The following RAB3GAP1 variants were observed in gnomAD, a reference collection of about 807,000 sequenced individuals.
RAB3GAP1 encodes the protein RAB3 GTPase activating protein catalytic subunit 1.
A neutral mutation model predicts 130.7 loss-of-function variants in RAB3GAP1; 86 were observed. That is an observed-to-expected ratio of 0.66 (90% CI 0.55 to 0.79). The LOEUF is 0.79. RAB3GAP1 is among the 30% of genes least tolerant of loss of function. The pLI is 0.00. For missense variants in RAB3GAP1, 1,029 were observed against 1,169.4 expected (o/e 0.88, Z 1.75); for synonymous variants, 367 against 401.7 (o/e 0.91, Z 1.03).
At chr2:135,065,261 T>C (rs1186849467) in intron 3 of RAB3GAP1, among the ~76,000 whole-genome samples, 1 of 152,186 alleles carries the variant, frequency 6.6e-6, no homozygotes, top group Non-Finnish European at 1.5e-5. Context: ...CCCCCTTAGA[T>C]CAGCAATTCT....
At position 135,087,965 on chromosome 2, in the gene RAB3GAP1, T is replaced by C. The variant is rs554279664; in HGVS notation, c.151-3033T>C. Among the ~76,000 whole-genome samples the C allele has an allele frequency of 5.3e-5, 8 of 152,336 alleles. No homozygotes were observed. In the East Asian group the frequency reaches 1.5e-3, roughly 29 times the overall value. ...AGATACATGCCTTACTGGAACTTGG[T>C]ATCAAGTGACTATATCCTAATGGAA... On this transcript the variant is annotated intron_variant, in intron 3 of 23. Transcript: ENST00000264158.
At chr2:135,159,134 GAT>G (rs1692397004) in intron 19 of RAB3GAP1, among the ~76,000 whole-genome samples, 1 of 152,112 alleles carries the variant, frequency 6.6e-6, no homozygotes. Context: ...TAATTGATTG[GAT>G]ATATAAATTA....
At chr2:135,100,811 C>CA (rs1690428255) in intron 5 of RAB3GAP1, among the ~76,000 whole-genome samples, 1 of 152,142 alleles carries the variant, frequency 6.6e-6, no homozygotes, top group African/African-American at 2.4e-5. Flanking sequence ...ACAACAATAA[C>CA]ATTTTGTGAT....
At position 135,168,530 on chromosome 2, in the gene RAB3GAP1, T is replaced by G. The variant is rs2105007837; in HGVS notation, c.2710-15T>G. The G allele has an allele frequency of 1.9e-6, 3 of 1,608,442 alleles. 1 individual carries two copies. The Admixed American group carries it at 5.0e-5, about 27-fold the overall frequency. On this transcript the variant is annotated splice_polypyrimidine_tract_variant and intron_variant, in intron 23 of 23. Transcript: ENST00000264158. ...TTTGACCTGCTTTTGACTTTAGCATTTGATTCTTTTCCAGGCTGCAGCTAT... is the reference window on the plus strand; with the variant it reads ...TTTGACCTGCTTTTGACTTTAGCATGTGATTCTTTTCCAGGCTGCAGCTAT...
intron 8 of RAB3GAP1, among the ~76,000 whole-genome samples, chr2:135,121,836 T>C (rs373598661): frequency 1.3e-5 from 2 of 152,192 alleles, no homozygotes; most frequent in East Asian, 1.9e-4. Context: ...CTCACACCTG[T>C]AATCCTAGCC....
chr2:135,081,337 T>A lies in RAB3GAP1; in HGVS notation c.151-9661T>A, dbSNP rs1400155410. Among the ~76,000 whole-genome samples the A allele has an allele frequency of 6.3e-3, 516 of 81,336 alleles. 4 individuals carry two copies. Among genetic ancestry groups the A allele is most frequent in the African/African-American group, 0.024 (318 of 12,988 alleles). 53.4% of individuals were successfully genotyped at this position (81,336 alleles called of 152,430 possible). The stretch of plus-strand genomic sequence containing the variant: ...AAAAAAAAAAAAAAAAATATATATA[T>A]ATATATATATATATATATATATATA... On this transcript the variant is annotated intron_variant, in intron 3 of 23. Coordinates refer to ENST00000264158, the MANE Select transcript of RAB3GAP1 (RefSeq NM_012233.3).
chr2:135,140,080 GT>G (rs1298409144), intron 17 of RAB3GAP1, among the ~76,000 whole-genome samples: 1 of 152,116 alleles, frequency 6.6e-6, no homozygotes, highest in Non-Finnish European at 1.5e-5. Flanking sequence ...AGGCTTCAGT[GT>G]TTGTGCATGT....
intron 5 of RAB3GAP1, among the ~76,000 whole-genome samples, chr2:135,097,992 A>G (rs191915157): frequency 1.9e-3 from 282 of 152,318 alleles, no homozygotes; most frequent in Non-Finnish European, 3.1e-3. Flanking sequence ...TTGCATTCCC[A>G]CCAACAATGT....
downstream of RAB3GAP1, among the ~76,000 whole-genome samples, chr2:135,171,174 A>G (rs574024832): frequency 2.6e-5 from 4 of 152,222 alleles, no homozygotes; most frequent in Middle Eastern, 3.4e-3. Context: ...CAACATTTCT[A>G]TTTGGCTGAA....
intron 3 of RAB3GAP1, among the ~76,000 whole-genome samples, chr2:135,085,723 G>C (rs1395450410): frequency 6.6e-6 from 1 of 152,130 alleles, no homozygotes; most frequent in African/African-American, 2.4e-5. Flanking sequence ...ATTTTCCTCA[G>C]AAGTTATTTT....
chr2:135,151,660 A>G (rs1692176608), intron 18 of RAB3GAP1, among the ~76,000 whole-genome samples: 1 of 152,248 alleles, frequency 6.6e-6, no homozygotes, highest in South Asian at 2.1e-4. Context: ...GCTTTAAAAC[A>G]AATAGTTGGT....
At chr2:135,109,804 G>C (rs766591788) in intron 5 of RAB3GAP1, among the ~76,000 whole-genome samples, 1 of 151,998 alleles carries the variant, frequency 6.6e-6, no homozygotes, top group Non-Finnish European at 1.5e-5. Flanking sequence ...GGATGGTCTC[G>C]ATCTCCTGAC....
intron 3 of RAB3GAP1, among the ~76,000 whole-genome samples, chr2:135,083,344 C>G (rs1334924079): frequency 6.6e-6 from 1 of 152,158 alleles, no homozygotes; most frequent in Non-Finnish European, 1.5e-5. Context: ...AGTAGAATTT[C>G]TAGATCCTAT....
Position 135,081,327 on chromosome 2 carries a change from A to AAAAT in RAB3GAP1, c.151-9670_151-9669insAATA, listed in dbSNP as rs1363481112. On this transcript the variant is annotated intron_variant, in intron 3 of 23. Transcript: ENST00000264158. ...GTCTCAAAAAAAAAAAAAAAAAAAA[A>AAAAT]ATATATATATATATATATATATATA... Among the ~76,000 whole-genome samples, 280 of 64,010 alleles carry AAAAT rather than the reference A, an allele frequency of 4.4e-3. 3 individuals are homozygous for AAAAT. Among genetic ancestry groups the AAAAT allele is most frequent in the East Asian group, 9.5e-3 (9 of 944 alleles). The allele number at this position is 64,010 out of a possible 152,430, so 42.0% of individuals were successfully genotyped here.
chr2:135,173,007 G>T (rs1692900155), downstream of RAB3GAP1, among the ~76,000 whole-genome samples: 1 of 152,156 alleles, frequency 6.6e-6, no homozygotes, highest in South Asian at 2.1e-4. Context: ...ACAGCCACAT[G>T]AGTAAGCTTG....
chr2:135,081,686 A>G (rs548360786), intron 3 of RAB3GAP1, among the ~76,000 whole-genome samples: 286 of 152,198 alleles, frequency 1.9e-3, no homozygotes, highest in African/African-American at 6.5e-3. Flanking sequence ...CTAAAGAAAC[A>G]TTTGATTTAT....
intron 3 of RAB3GAP1, among the ~76,000 whole-genome samples, chr2:135,071,437 T>C (rs932469703): frequency 2.0e-5 from 3 of 152,174 alleles, no homozygotes; most frequent in Non-Finnish European, 1.5e-5. Flanking sequence ...AAACTTCTTT[T>C]AGGCTCCTAT....
chr2:135,114,299 C>G (rs1449250837), intron 6 of RAB3GAP1, among the ~76,000 whole-genome samples: 3 of 152,136 alleles, frequency 2.0e-5, no homozygotes, highest in Non-Finnish European at 4.4e-5. Context: ...TGTTTAATCA[C>G]TATTCTGCTA....
chr2:135,170,935 G>A (rs1157798485), downstream of RAB3GAP1, among the ~76,000 whole-genome samples: 3 of 151,928 alleles, frequency 2.0e-5, no homozygotes, highest in South Asian at 4.2e-4. Flanking sequence ...ATCTGGTCTC[G>A]GCCATGTCTT....
Sources: gnomAD v4.1 joint callset for allele counts (sites outside exome capture counted in the v4.1 genomes callset) on GRCh38, gnomAD v4.1.1 for gene constraint, MANE v1.5 for transcripts, NCBI Gene and HGNC (gene_info 2026-07-23, HGNC 2026-07-21) for gene names.